The following PEX14 variants were observed in gnomAD, a reference collection of about 807,000 sequenced individuals.
PEX14 encodes peroxisomal biogenesis factor 14.
PEX14 carries 15 observed loss-of-function variants against 49.5 expected under a neutral mutation model. The ratio of observed to expected loss-of-function variants is 0.30; its 90% CI spans 0.20 to 0.47. The LOEUF (loss-of-function observed/expected upper bound fraction) is 0.47. PEX14 is among the 20% of genes least tolerant of loss of function. The pLI is 1.00. For missense variants in PEX14, 398 were observed against 494.8 expected, an observed-to-expected ratio of 0.80 and a Z score of 1.86; for synonymous variants, 210 against 212.7, an observed-to-expected ratio of 0.99 and a Z score of 0.11.
At chr1:10,587,730 A>G (rs185706707) in intron 3 of PEX14, among the ~76,000 whole-genome samples, 141 of 152,184 alleles carry the variant, frequency 9.3e-4, no homozygotes, top group Middle Eastern at 3.4e-3. Flanking sequence ...TAGTACATCC[A>G]TACCAACCAT....
At chr1:10,557,734 C>T (rs1277686252) in intron 3 of PEX14, among the ~76,000 whole-genome samples, 6 of 152,196 alleles carry the variant, frequency 3.9e-5, no homozygotes, top group Non-Finnish European at 8.8e-5. Context: ...GCCCCGAGCA[C>T]AAGTCTCAAA....
rs1639462315 is a variant in PEX14 at position 10,555,632 on chromosome 1, G to T, written c.169+19335G>T. On this transcript the variant is annotated intron_variant, in intron 3 of 8. Coordinates refer to ENST00000356607, the MANE Select transcript of PEX14 (RefSeq NM_004565.3). ...TTTTTGAGGTGTGAGAGCAGAGCCG[G>T]CAAGGTGTGAGTGTGTGTGTGTGTG... 7.7e-5 allele frequency among the ~76,000 whole-genome samples: 7 copies of T among 90,836 alleles called. No individual in the cohort carries two copies. The Admixed American group carries it at 9.4e-4, about 12-fold the overall frequency. 59.6% of individuals were successfully genotyped at this position (90,836 alleles called of 152,430 possible).
chr1:10,574,197 A>C (rs1223038719), intron 3 of PEX14, among the ~76,000 whole-genome samples: 2 of 152,260 alleles, frequency 1.3e-5, no homozygotes, highest in Non-Finnish European at 2.9e-5. Context: ...GAAATATTAC[A>C]TAAGAAGAAA....
In PEX14 at chr1:10,597,190, A is replaced by G. The variant is rs1640853097; in HGVS notation, c.170-2048A>G. ...AATGCAACTGAATGCTCCTTTTGGG[A>G]AAATTATCTTCATTTGCAGCCAGCG... is the stretch of plus-strand genomic sequence containing the variant. On this transcript the variant is annotated intron_variant, in intron 3 of 8. Coordinates refer to ENST00000356607, the MANE Select transcript of PEX14 (RefSeq NM_004565.3). This position sits in a 1 kb window ranked among gnomAD's most constrained non-coding sequence, Gnocchi z 5.7. 6.6e-6 allele frequency among the ~76,000 whole-genome samples: 1 copy of G among 152,232 alleles called. No homozygotes were observed. Among genetic ancestry groups the G allele is most frequent in the African/African-American group, 2.4e-5 (1 of 41,462 alleles).
At chr1:10,492,860 T>A (rs1485128596) in intron 1 of PEX14, among the ~76,000 whole-genome samples, 1 of 152,196 alleles carries the variant, frequency 6.6e-6, no homozygotes, top group Non-Finnish European at 1.5e-5. Context: ...GAGACAGGCA[T>A]CAGTCCGATA....
chr1:10,593,629 G>A (rs1187863421), intron 3 of PEX14, among the ~76,000 whole-genome samples: 1 of 131,980 alleles, frequency 7.6e-6, no homozygotes, highest in Admixed American at 9.0e-5. Flanking sequence ...ATCAGTGGAG[G>A]AAAAAGTGTT....
At chr1:10,530,446 C>T (rs1404270042) in intron 2 of PEX14, among the ~76,000 whole-genome samples, 3 of 152,370 alleles carry the variant, frequency 2.0e-5, no homozygotes, top group South Asian at 2.1e-4. Context: ...CCGCCGGCTC[C>T]GGCTAGGGGG....
chr1:10,580,652 A>G (rs1238627292), intron 3 of PEX14, among the ~76,000 whole-genome samples: 1 of 152,174 alleles, frequency 6.6e-6, no homozygotes, highest in Non-Finnish European at 1.5e-5. Context: ...ATGGTGTAAT[A>G]TTAATTCAGA....
chr1:10,497,263 G>A (rs1271626729), intron 2 of PEX14, among the ~76,000 whole-genome samples: 4 of 152,176 alleles, frequency 2.6e-5, no homozygotes, highest in Non-Finnish European at 5.9e-5. Flanking sequence ...TCAGGCAGAG[G>A]AGCCCGCTGA....
At chr1:10,507,064 CGCTGTTGGTGTCTTT>C (rs1557816984) in intron 2 of PEX14, among the ~76,000 whole-genome samples, 5 of 152,204 alleles carry the variant, frequency 3.3e-5, no homozygotes, top group African/African-American at 9.6e-5. Context: ...ATTCTGGCCT[CGCTGTTGGTGTCTTT>C]ATTTTGGTCT....
At chr1:10,524,171 A>G (rs1019789098) in intron 2 of PEX14, among the ~76,000 whole-genome samples, 3 of 152,226 alleles carry the variant, frequency 2.0e-5, no homozygotes, top group African/African-American at 7.2e-5. Context: ...AAAAGTTAAT[A>G]ACTCCATGTC....
At chr1:10,620,703 A>C (rs1029793920) in intron 5 of PEX14, among the ~76,000 whole-genome samples, 2 of 152,118 alleles carry the variant, frequency 1.3e-5, no homozygotes, top group African/African-American at 4.8e-5. Context: ...CAGGAGAATC[A>C]CTTGAGCCTG....
chr1:10,541,742 C>A (rs1051398734), intron 3 of PEX14, among the ~76,000 whole-genome samples: 1 of 152,208 alleles, frequency 6.6e-6, no homozygotes, highest in African/African-American at 2.4e-5. Context: ...CCAAACTTGC[C>A]TTGAACTCCA....
chr1:10,558,906 T>G (rs1639572084), intron 3 of PEX14, among the ~76,000 whole-genome samples: 1 of 152,212 alleles, frequency 6.6e-6, no homozygotes, highest in Non-Finnish European at 1.5e-5. Context: ...ACATTTCCTT[T>G]AATTCTGAGT....
rs1229227583 is a variant in PEX14 at position 10,512,773 on chromosome 1, A to G, written c.84+17452A>G. ...GAGTGCAGTGGCGTGATGTCGGCTC[A>G]CTGCAACCTCCGCCTCACGGGTTCA... On this transcript the variant is annotated intron_variant, in intron 2 of 8. Coordinates refer to ENST00000356607, the MANE Select transcript of PEX14 (RefSeq NM_004565.3). The surrounding 1 kb of genome is among the most constrained non-coding windows in gnomAD (Gnocchi z 4.6). 2.0e-5 allele frequency among the ~76,000 whole-genome samples: 3 copies of G among 151,908 alleles called. No individual in the cohort carries two copies. In the East Asian group the frequency reaches 5.8e-4, roughly 30 times the overall value.
chr1:10,589,491 A>G (rs1640596678), intron 3 of PEX14, among the ~76,000 whole-genome samples: 2 of 151,916 alleles, frequency 1.3e-5, no homozygotes, highest in Admixed American at 6.6e-5. Context: ...GGCTCAAGCA[A>G]TCCCCACCTC....
intron 3 of PEX14, among the ~76,000 whole-genome samples, chr1:10,547,233 G>A (rs1639203209): frequency 6.6e-6 from 1 of 152,206 alleles, no homozygotes; most frequent in African/African-American, 2.4e-5. Context: ...TGAAGCTGGA[G>A]ACTGGACATT....
intron 1 of PEX14, among the ~76,000 whole-genome samples, chr1:10,489,727 C>T (rs1423862818): frequency 6.6e-6 from 1 of 152,232 alleles, no homozygotes; most frequent in East Asian, 1.9e-4. Context: ...CTGCCTTGGC[C>T]TCCCTGAACT....
rs1476303394 is a variant in PEX14 at position 10,494,591 on chromosome 1, G to A, written c.37-683G>A. Among the ~76,000 whole-genome samples the A allele has an allele frequency of 6.6e-6, 1 of 152,248 alleles. No individual in the cohort carries two copies. Among genetic ancestry groups the A allele is most frequent in the Admixed American group, 6.5e-5 (1 of 15,286 alleles). On this transcript the variant is annotated intron_variant, in intron 1 of 8. Transcript: ENST00000356607. This position sits in a 1 kb window ranked among gnomAD's most constrained non-coding sequence, Gnocchi z 4.3. ...AGTGGCCCCAAGGAAGAGGAAACGG[G>A]CTAGAGCCAGGGCCTCGGCCACAGT...
Sources: allele counts gnomAD v4.1 joint callset (sites outside exome capture counted in the v4.1 genomes callset), GRCh38; gene constraint gnomAD v4.1.1; non-coding constraint Gnocchi (gnomAD v3.1); transcripts MANE v1.5; gene names NCBI Gene and HGNC (gene_info 2026-07-23, HGNC 2026-07-21).